Variants in GRIN2A observed in about 807,000 individuals in gnomAD.
GRIN2A encodes glutamate receptor ionotropic, NMDA 2A.
In GRIN2A, 22 loss-of-function variants were observed where a neutral mutation model predicts 113.4. The observed-to-expected ratio is 0.19, with a 90% CI of 0.14 to 0.28. The LOEUF (loss-of-function observed/expected upper bound fraction) is 0.28. Among genes scored for constraint, GRIN2A ranks in the 10% least tolerant of loss-of-function variants. GRIN2A has a pLI of 1.00. For synonymous variants in GRIN2A, 827 were observed against 738.4 expected, an observed-to-expected ratio of 1.12 and a Z score of -1.94; for missense variants, 1,502 against 1,887.0, an observed-to-expected ratio of 0.80 and a Z score of 3.78.
intron 2 of GRIN2A, among the ~76,000 whole-genome samples, chr16:9,948,701 A>G (rs1407389452): frequency 6.6e-6 from 1 of 152,222 alleles, no homozygotes; most frequent in East Asian, 1.9e-4. Context: ...GCATGGGAGT[A>G]AAGGAAGAGG....
intron 11 of GRIN2A, among the ~76,000 whole-genome samples, chr16:9,788,302 G>A (rs1461084965): frequency 1.3e-5 from 2 of 151,336 alleles, no homozygotes; most frequent in African/African-American, 4.9e-5. Flanking sequence ...TGTTGCCCAG[G>A]CTGGAGTGCA....
At chr16:10,159,785 T>TCAAATTC (rs1312469452) in intron 2 of GRIN2A, among the ~76,000 whole-genome samples, 2 of 152,166 alleles carry the variant, frequency 1.3e-5, no homozygotes, top group Non-Finnish European at 2.9e-5. Flanking sequence ...ATATGAAAGC[T>TCAAATTC]CAAATTCCAT....
At chr16:9,978,251 C>T (rs970345633) in intron 2 of GRIN2A, among the ~76,000 whole-genome samples, 7 of 152,198 alleles carry the variant, frequency 4.6e-5, no homozygotes, top group African/African-American at 1.4e-4. Context: ...TTCAAAGTAT[C>T]CACGGAGAAG....
chr16:9,914,904 GCTTTTTT>G (rs2044212899), intron 3 of GRIN2A, among the ~76,000 whole-genome samples: 1 of 48,692 alleles, frequency 2.1e-5, no homozygotes, highest in African/African-American at 7.1e-5. Context: ...TGATTATGCA[GCTTTTTT>G]TTTTTTTTTT....
chr16:9,957,667 A>G (rs1426169821), intron 2 of GRIN2A, among the ~76,000 whole-genome samples: 1 of 152,238 alleles, frequency 6.6e-6, no homozygotes, highest in East Asian at 1.9e-4. Context: ...CAATAGGGCC[A>G]GAATTACCAA....
chr16:9,844,796 C>T (rs919166764), intron 5 of GRIN2A, among the ~76,000 whole-genome samples: 2 of 152,230 alleles, frequency 1.3e-5, no homozygotes, highest in South Asian at 4.1e-4. Context: ...GCTTAATTGA[C>T]AGCATGGCCA....
At chr16:9,877,151 C>A (rs2043384372) in intron 4 of GRIN2A, among the ~76,000 whole-genome samples, 1 of 152,142 alleles carries the variant, frequency 6.6e-6, no homozygotes, top group Non-Finnish European at 1.5e-5. Context: ...CATAGAACAT[C>A]TCTAAGTTTG....
intron 3 of GRIN2A, among the ~76,000 whole-genome samples, chr16:9,902,973 G>T (rs1239164552): frequency 1.4e-4 from 11 of 80,190 alleles, no homozygotes; most frequent in African/African-American, 4.5e-4. Context: ...GGGGGGGTGG[G>T]GGGGTGGGTG....
At chr16:9,790,157 G>C (rs1902518856) in intron 11 of GRIN2A, among the ~76,000 whole-genome samples, 1 of 152,140 alleles carries the variant, frequency 6.6e-6, no homozygotes. Context: ...ATTTGGATGG[G>C]GCTGCTGACC....
At chr16:9,979,885 A>G (rs1324997243) in intron 2 of GRIN2A, among the ~76,000 whole-genome samples, 2 of 148,364 alleles carry the variant, frequency 1.3e-5, no homozygotes, top group African/African-American at 4.9e-5. Context: ...GTATGAGATA[A>G]AAGTATATAT....
At chr16:10,127,177 A>G (rs530512893) in intron 2 of GRIN2A, among the ~76,000 whole-genome samples, 1 of 152,134 alleles carries the variant, frequency 6.6e-6, no homozygotes, top group East Asian at 1.9e-4. Context: ...GATTGCAGTG[A>G]GCAGAGATCG....
intron 2 of GRIN2A, among the ~76,000 whole-genome samples, chr16:10,174,851 A>C (rs1395441975): frequency 6.6e-6 from 1 of 152,082 alleles, no homozygotes; most frequent in East Asian, 1.9e-4. Flanking sequence ...AAAAAAAAAA[A>C]AACAAGATAC....
rs921172111 is a variant in GRIN2A at position 9,761,978 on chromosome 16, G to T, written c.*1171C>A. ...CTCGTGTTTTGAAGGCTTTTGATTT[G>T]AGGAGTTTGGGGTGGAAGTGAGTGT... On this transcript the variant is annotated 3_prime_UTR_variant, in exon 13 of 13. Transcript: ENST00000330684. 5.0e-6 allele frequency: 1 copy of T among 200,194 alleles called. No homozygotes were observed. The highest frequency in any genetic ancestry group is 1.0e-5 in the Non-Finnish European group (1 of 97,052). 12.4% of individuals were successfully genotyped at this position (200,194 alleles called of 1,614,324 possible).
chr16:10,035,942 T>C (rs2047017133), intron 2 of GRIN2A, among the ~76,000 whole-genome samples: 1 of 152,190 alleles, frequency 6.6e-6, no homozygotes, highest in African/African-American at 2.4e-5. Flanking sequence ...CAGGCTGGTC[T>C]CGAACTCCTG....
At chr16:9,947,404 G>A (rs1426977896) in intron 2 of GRIN2A, among the ~76,000 whole-genome samples, 6 of 152,184 alleles carry the variant, frequency 3.9e-5, no homozygotes, top group Admixed American at 6.5e-5. Flanking sequence ...AACCAGTCCC[G>A]TTCATTAAGT....
At chr16:9,871,934 A>T (rs978395354) in intron 4 of GRIN2A, among the ~76,000 whole-genome samples, 4 of 152,154 alleles carry the variant, frequency 2.6e-5, no homozygotes, top group African/African-American at 7.2e-5. Context: ...TGGGCTTCGG[A>T]GTCAGACAAA....
At chr16:9,827,596 G>C (rs1244604114) in intron 9 of GRIN2A, among the ~76,000 whole-genome samples, 1 of 152,198 alleles carries the variant, frequency 6.6e-6, no homozygotes, top group Non-Finnish European at 1.5e-5. Flanking sequence ...GGTTACAGGT[G>C]ACCACAAAGA....
chr16:9,779,754 C>T (rs1031502492), intron 11 of GRIN2A, among the ~76,000 whole-genome samples: 8 of 152,234 alleles, frequency 5.3e-5, no homozygotes, highest in South Asian at 2.1e-4. Flanking sequence ...GACATCCTCC[C>T]GCTCCCCAGG....
chr16:9,985,082 C>T (rs906858967), intron 2 of GRIN2A, among the ~76,000 whole-genome samples: 6 of 152,052 alleles, frequency 3.9e-5, no homozygotes, highest in Non-Finnish European at 5.9e-5. Flanking sequence ...CTCCATGAGA[C>T]TCTGCCAGAA....
Sources: allele counts gnomAD v4.1 joint callset (sites outside exome capture counted in the v4.1 genomes callset), GRCh38; gene constraint gnomAD v4.1.1; transcripts MANE v1.5; gene names NCBI Gene and HGNC (gene_info 2026-07-23, HGNC 2026-07-21).